CSMD1: variants seen among roughly 807,000 people sequenced by gnomAD.
CSMD1 encodes CUB and Sushi multiple domains 1, also known as CUB and sushi domain-containing protein 1.
CSMD1 carries 213 observed loss-of-function variants against 417.5 expected under a neutral mutation model. The observed-to-expected ratio is 0.51, with a 90% CI of 0.46 to 0.57. The LOEUF is 0.57. Ranked by LOEUF, CSMD1 falls within the 20% of genes least tolerant of loss-of-function variation. CSMD1 has a pLI of 0.00. For synonymous variants in CSMD1, 2,862 were observed against 1,736.8 expected, an observed-to-expected ratio of 1.65 and a Z score of -16.11; for missense variants, 6,923 against 4,529.7, an observed-to-expected ratio of 1.53 and a Z score of -15.17.
intron 41 of CSMD1, among the ~76,000 whole-genome samples, chr8:3,141,454 C>G (rs781005492): frequency 6.6e-5 from 10 of 152,144 alleles, no homozygotes; most frequent in Non-Finnish European, 1.3e-4. Context: ...CCCCTTCTTG[C>G]CTGGGGACCA....
intron 3 of CSMD1, among the ~76,000 whole-genome samples, chr8:4,046,714 A>C (rs1446522582): frequency 1.3e-5 from 2 of 152,342 alleles, no homozygotes; most frequent in South Asian, 2.1e-4. Flanking sequence ...TATTATTTAA[A>C]TGACCTAATG....
chr8:4,800,265 A>G (rs1451251771), intron 1 of CSMD1, among the ~76,000 whole-genome samples: 2 of 151,964 alleles, frequency 1.3e-5, no homozygotes, highest in Admixed American at 6.6e-5. Flanking sequence ...CCCAATCGCA[A>G]CTAAAAATAC....
intron 2 of CSMD1, among the ~76,000 whole-genome samples, chr8:4,555,762 C>T (rs983385658): frequency 2.0e-5 from 3 of 152,158 alleles, no homozygotes; most frequent in Non-Finnish European, 4.4e-5. Context: ...TTTCAGTTAA[C>T]AAATGCAAAA....
rs764191659 is a variant in CSMD1, at chr8:4,460,611, G to A, written c.303-40546C>T. On this transcript the variant is annotated intron_variant, in intron 2 of 69. Transcript: ENST00000635120. ...GAAGTCTCAAATTACTAAAATGGGG[G>A]AAAAAAAGGTAGAGAATATTACTAT... 5.3e-5 allele frequency among the ~76,000 whole-genome samples: 8 copies of A among 151,672 alleles called. 1 individual carries two copies. The highest frequency in any genetic ancestry group is 1.2e-4 in the Non-Finnish European group (8 of 67,844).
At chr8:4,761,063 A>G (rs1812009409) in intron 1 of CSMD1, among the ~76,000 whole-genome samples, 1 of 152,172 alleles carries the variant, frequency 6.6e-6, no homozygotes, top group Non-Finnish European at 1.5e-5. Flanking sequence ...CAGAGTGATT[A>G]TTAGCAGAAG....
intron 5 of CSMD1, among the ~76,000 whole-genome samples, chr8:3,831,439 A>T (rs188749981): frequency 2.6e-5 from 4 of 152,266 alleles, no homozygotes; most frequent in Admixed American, 2.6e-4. Flanking sequence ...AAATTCCATA[A>T]GGAAACATCC....
intron 6 of CSMD1, among the ~76,000 whole-genome samples, chr8:3,745,351 A>G (rs1797016371): frequency 6.6e-6 from 1 of 152,178 alleles, no homozygotes; most frequent in South Asian, 2.1e-4. Flanking sequence ...TTTAAAAACT[A>G]CCACTGAGAC....
intron 5 of CSMD1, among the ~76,000 whole-genome samples, chr8:3,864,572 C>G (rs1394187200): frequency 6.6e-6 from 1 of 152,166 alleles, no homozygotes; most frequent in Non-Finnish European, 1.5e-5. Flanking sequence ...CACCCATTAA[C>G]TCGTCATTTA....
chr8:4,201,963 G>A (rs1185738030), intron 3 of CSMD1, among the ~76,000 whole-genome samples: 2 of 150,558 alleles, frequency 1.3e-5, no homozygotes, highest in South Asian at 4.2e-4. Context: ...CCCTGAGACA[G>A]AAAACAAAAA....
intron 12 of CSMD1, among the ~76,000 whole-genome samples, chr8:3,436,207 A>C (rs1267247483): frequency 2.0e-5 from 3 of 152,184 alleles, no homozygotes; most frequent in Non-Finnish European, 2.9e-5. Flanking sequence ...TAAGATGCTT[A>C]ATTACTTCAT....
chr8:3,189,242 TCTATC>T (rs1193550050), intron 34 of CSMD1, among the ~76,000 whole-genome samples: 1 of 152,224 alleles, frequency 6.6e-6, no homozygotes, highest in East Asian at 1.9e-4. Flanking sequence ...TATAAATAAA[TCTATC>T]CAAGTTCTCT....
intron 2 of CSMD1, among the ~76,000 whole-genome samples, chr8:4,526,031 G>C (rs1350332266): frequency 3.3e-5 from 5 of 152,156 alleles, no homozygotes; most frequent in Non-Finnish European, 7.3e-5. Flanking sequence ...AAGGAGTGGA[G>C]CGGGTGATGA....
chr8:3,362,526 G>C (rs1443180506), intron 20 of CSMD1, among the ~76,000 whole-genome samples: 1 of 152,138 alleles, frequency 6.6e-6, no homozygotes, highest in African/African-American at 2.4e-5. Flanking sequence ...TTCTCATTTG[G>C]CTGATTCGGA....
chr8:4,451,285 A>G (rs758995797), intron 2 of CSMD1, among the ~76,000 whole-genome samples: 3 of 152,166 alleles, frequency 2.0e-5, no homozygotes, highest in Non-Finnish European at 4.4e-5. Flanking sequence ...GATCCAACCA[A>G]TCATGACTCC....
At chr8:4,938,434 T>C (rs775192150) in intron 1 of CSMD1, among the ~76,000 whole-genome samples, 7 of 152,192 alleles carry the variant, frequency 4.6e-5, no homozygotes, top group Non-Finnish European at 7.3e-5. Context: ...GGCATATGCA[T>C]ACTCACTTGT....
At chr8:3,471,728 T>C (rs940926225) in intron 11 of CSMD1, among the ~76,000 whole-genome samples, 2 of 151,722 alleles carry the variant, frequency 1.3e-5, no homozygotes, top group African/African-American at 4.8e-5. Context: ...TTCCTTGCTT[T>C]CTGTTATCAT....
intron 9 of CSMD1, among the ~76,000 whole-genome samples, chr8:3,580,773 G>T (rs1026097633): frequency 1.3e-5 from 2 of 152,218 alleles, no homozygotes; most frequent in East Asian, 1.9e-4. Flanking sequence ...CCTGACACTG[G>T]ATCTATAACC....
At chr8:4,075,100 G>A (rs75480087) in intron 3 of CSMD1, among the ~76,000 whole-genome samples, 1 of 151,974 alleles carries the variant, frequency 6.6e-6, no homozygotes, top group Non-Finnish European at 1.5e-5. Flanking sequence ...ATTAGACAAA[G>A]AACAAAGTTG....
chr8:3,746,895 C>A lies in CSMD1; in HGVS notation c.931+7035G>T, dbSNP rs549827098. On this transcript the variant is annotated intron_variant, in intron 6 of 69. Coordinates refer to ENST00000635120, the MANE Select transcript of CSMD1 (RefSeq NM_033225.6). Reference sequence around the variant, plus strand: ...TCATCACATGGCCAGCCCAAGAGGACTGAGTACAGTGGGTCAGGACACTGG... The same window carrying A: ...TCATCACATGGCCAGCCCAAGAGGAATGAGTACAGTGGGTCAGGACACTGG... 3.3e-5 allele frequency among the ~76,000 whole-genome samples: 5 copies of A among 152,308 alleles called. No individual in the cohort carries two copies. The East Asian group carries it at 7.7e-4, about 24-fold the overall frequency.
Sources: gnomAD v4.1 joint callset for allele counts (sites outside exome capture counted in the v4.1 genomes callset) on GRCh38, gnomAD v4.1.1 for gene constraint, MANE v1.5 for transcripts, NCBI Gene and HGNC (gene_info 2026-07-23, HGNC 2026-07-21) for gene names.